MYO18B: variants seen among roughly 807,000 people sequenced by gnomAD.
MYO18B encodes the protein unconventional myosin-XVIIIb.
In MYO18B, 204 loss-of-function variants were observed where a neutral mutation model predicts 273.0. The ratio of observed to expected loss-of-function variants is 0.75; its 90% CI spans 0.67 to 0.84. The LOEUF (loss-of-function observed/expected upper bound fraction) is 0.84, where lower values mean the gene tolerates loss of function less well. Among genes scored for constraint, MYO18B ranks in the 40% least tolerant of loss-of-function variants. The pLI is 0.00. For missense variants in MYO18B, 3,212 were observed against 3,287.6 expected, an observed-to-expected ratio of 0.98 and a Z score of 0.56; for synonymous variants, 1,330 against 1,305.7, an observed-to-expected ratio of 1.02 and a Z score of -0.40.
At chr22:25,854,262 A>T (rs2090505052) in intron 21 of MYO18B, among the ~76,000 whole-genome samples, 1 of 152,020 alleles carries the variant, frequency 6.6e-6, no homozygotes, top group African/African-American at 2.4e-5. Context: ...CTGAAACAAA[A>T]ATAGCATATG....
At chr22:25,925,862 G>T (rs1056212658) in intron 34 of MYO18B, among the ~76,000 whole-genome samples, 1 of 133,454 alleles carries the variant, frequency 7.5e-6, no homozygotes, top group African/African-American at 2.9e-5. Context: ...CTGAGATCGC[G>T]CCATTGCACT....
rs3068433 is a variant in MYO18B, at chr22:25,745,472, G to GACACACACACAC, written c.-110+3198_-110+3209dup. 3.1e-3 allele frequency among the ~76,000 whole-genome samples: 458 copies of GACACACACACAC among 146,108 alleles called. 8 individuals are homozygous for GACACACACACAC. In the South Asian group the frequency reaches 0.039, roughly 12 times the overall value. On this transcript the variant is annotated intron_variant, in intron 1 of 43. Transcript: ENST00000335473. ...CATCAAGGTAGATTTCTCTCTCTCT[G>GACACACACACAC]ACACACACACACACACACACACACA...
chr22:25,747,093 G>A (rs1325147875), intron 1 of MYO18B, among the ~76,000 whole-genome samples: 1 of 152,136 alleles, frequency 6.6e-6, no homozygotes, highest in African/African-American at 2.4e-5. Context: ...CTGTACTCCA[G>A]CCTGGGCAAC....
intron 9 of MYO18B, 130 bp from the exon 10 acceptor site, chr22:25,781,604 C>G (rs1397663700): frequency 3.6e-6 from 1 of 281,148 alleles, no homozygotes; most frequent in South Asian, 6.7e-5. Context: ...AGCGAGACTC[C>G]GTCTCAAAAA....
chr22:25,833,147 C>G (rs1195114593), intron 16 of MYO18B, 150 bp downstream of exon 16: 1 of 695,952 alleles, frequency 1.4e-6, no homozygotes, highest in East Asian at 2.7e-5. Context: ...GCCTGGGACC[C>G]AACCCCAGAT....
At chr22:25,888,297 T>G (rs1248178676) in intron 25 of MYO18B, among the ~76,000 whole-genome samples, 1 of 152,206 alleles carries the variant, frequency 6.6e-6, no homozygotes, top group African/African-American at 2.4e-5. Context: ...AGGGTCTCAC[T>G]CTGTCACTCA....
chr22:25,852,135 T>C (rs1195317300), intron 21 of MYO18B, among the ~76,000 whole-genome samples: 2 of 152,146 alleles, frequency 1.3e-5, no homozygotes, highest in Non-Finnish European at 2.9e-5. Context: ...AGGAAATATT[T>C]ACATCAGGGC....
At chr22:25,779,812 T>TCCCC (rs2087059894) in intron 8 of MYO18B, among the ~76,000 whole-genome samples, 1 of 152,208 alleles carries the variant, frequency 6.6e-6, no homozygotes, top group South Asian at 2.1e-4. Context: ...GAGTCTTGTT[T>TCCCC]CCCCTACACT....
chr22:25,770,634 C>T (rs2086683973), intron 5 of MYO18B, among the ~76,000 whole-genome samples: 1 of 152,148 alleles, frequency 6.6e-6, no homozygotes, highest in South Asian at 2.1e-4. Context: ...TGCTCTGTGC[C>T]TGGCACTGTG....
intron 1 of MYO18B, among the ~76,000 whole-genome samples, chr22:25,747,497 A>T (rs1039399849): frequency 6.6e-6 from 1 of 152,226 alleles, no homozygotes; most frequent in African/African-American, 2.4e-5. Context: ...CCAGCATCTC[A>T]TCAGCCTGTA....
Position 25,851,503 on chromosome 22 carries a change from G to A in MYO18B, c.3809G>A (p.Arg1270His), listed in dbSNP as rs374287359. The A allele has an allele frequency of 2.6e-6, 4 of 1,559,406 alleles. No homozygotes were observed. Among genetic ancestry groups the A allele is most frequent in the East Asian group, 2.4e-5 (1 of 41,550 alleles). ...GACCACATGGGGCTCACTCGCTTCC[G>A]CCGGCAATTCCAGGTGCTGGACGCT... Reference protein sequence around the residue: ...YADHMGLTRFRRQFQVLDAPL... With the variant: ...YADHMGLTRFHRQFQVLDAPL... Residue 1270 changes from arginine to histidine, a missense_variant, in exon 21 of 44, where the codon CGC becomes CAC. Transcript: ENST00000335473.
At chr22:26,035,689 A>G (rs1936764795), downstream of MYO18B, among the ~76,000 whole-genome samples, 1 of 152,220 alleles carries the variant, frequency 6.6e-6, no homozygotes, top group South Asian at 2.1e-4. Flanking sequence ...CCAGAAGAAA[A>G]GCTGTATTGG....
At chr22:26,033,990 G>T (rs773302588), downstream of MYO18B, among the ~76,000 whole-genome samples, 20 of 147,706 alleles carry the variant, frequency 1.4e-4, no homozygotes, top group Non-Finnish European at 2.7e-4. Flanking sequence ...TTTTGCTCTT[G>T]TCACCCAGGT....
intron 3 of MYO18B, among the ~76,000 whole-genome samples, chr22:25,766,677 A>G (rs946066137): frequency 6.6e-6 from 1 of 152,226 alleles, no homozygotes; most frequent in African/African-American, 2.4e-5. Flanking sequence ...AACAGCCTGG[A>G]AGCAGGGACT....
chr22:26,036,656 T>A, the MYO18B span, among the ~76,000 whole-genome samples: 1 of 152,190 alleles, frequency 6.6e-6, no homozygotes, highest in Non-Finnish European at 1.5e-5. Flanking sequence ...GTTTATGGTC[T>A]TCCTGCTTAG....
At chr22:25,825,957 CA>C (rs2089474626) in intron 13 of MYO18B, among the ~76,000 whole-genome samples, 1 of 152,154 alleles carries the variant, frequency 6.6e-6, no homozygotes, top group Non-Finnish European at 1.5e-5. Context: ...CAGACACTGG[CA>C]ATTTAAAGGT....
chr22:25,818,967 C>T (rs1481221302), intron 12 of MYO18B, among the ~76,000 whole-genome samples: 5 of 152,064 alleles, frequency 3.3e-5, no homozygotes, highest in Non-Finnish European at 7.4e-5. Context: ...GGAATTGGAC[C>T]CAGATCCAGT....
At chr22:25,892,657 A>T (rs761133154) in intron 27 of MYO18B, 25 of 152,208 alleles carry the variant, frequency 1.6e-4, no homozygotes, top group Non-Finnish European at 3.2e-4. Context: ...AAAAGAGACA[A>T]TGAGTATTTA....
chr22:25,847,078 C>CA (rs35672001), intron 19 of MYO18B, among the ~76,000 whole-genome samples: 31,022 of 139,180 alleles, frequency 0.22, 4,234 homozygotes, highest in African/African-American at 0.41. Context: ...GACTCTGTCT[C>CA]AAAAAAAAAA....
Sources: gnomAD v4.1 joint callset for allele counts (sites outside exome capture counted in the v4.1 genomes callset) on GRCh38, gnomAD v4.1.1 for gene constraint, MANE v1.5 for transcripts, NCBI Gene and HGNC (gene_info 2026-07-23, HGNC 2026-07-21) for gene names.